RARB: variants seen among roughly 807,000 people sequenced by gnomAD.
RARB encodes HBV-activated protein.
A neutral mutation model predicts 51.9 loss-of-function variants in RARB; 17 were observed. The observed-to-expected ratio is 0.33, with a 90% confidence interval of 0.22 to 0.49. The LOEUF is 0.49. Ranked by LOEUF, RARB falls within the 20% of genes least tolerant of loss-of-function variation. RARB has a pLI of 0.99. For missense variants in RARB, 369 were observed against 550.8 expected, an observed-to-expected ratio of 0.67 and a Z score of 3.30; for synonymous variants, 215 against 195.4, an observed-to-expected ratio of 1.10 and a Z score of -0.84.
At position 24,979,863 on chromosome 3, in the gene RARB, T is replaced by C. The variant is rs1696604950; in HGVS notation, c.-379-80262T>C. ...CCCGTTAATTGATGCAGTTTCTTCA[T>C]AGCATCAATGGTCTTTACAATTTGG... On this transcript the variant is annotated intron_variant, in intron 2 of 11. Coordinates refer to the RARB transcript ENST00000383772. Among the ~76,000 whole-genome samples the C allele has an allele frequency of 2.6e-5, 4 of 152,362 alleles. No homozygotes were observed. In the Middle Eastern group the frequency reaches 0.014, roughly 518 times the overall value.
At chr3:25,069,014 A>G (rs1159595127) in intron 3 of RARB, among the ~76,000 whole-genome samples, 2 of 125,150 alleles carry the variant, frequency 1.6e-5, no homozygotes, top group Non-Finnish European at 3.3e-5. Context: ...TCTTCCTCTG[A>G]AAAAAAAAAA....
At chr3:25,508,715 C>T (rs1697735527) in intron 3 of RARB, among the ~76,000 whole-genome samples, 1 of 152,020 alleles carries the variant, frequency 6.6e-6, no homozygotes, top group Non-Finnish European at 1.5e-5. Flanking sequence ...CCATTAACCC[C>T]CACCTTCTCT....
chr3:25,003,895 C>T (rs930853748), intron 2 of RARB, among the ~76,000 whole-genome samples: 2 of 152,144 alleles, frequency 1.3e-5, no homozygotes, highest in Non-Finnish European at 2.9e-5. Flanking sequence ...TTGACAGCAG[C>T]ACTGAGCTTT....
intron 5 of RARB, among the ~76,000 whole-genome samples, chr3:25,394,795 T>C (rs370099682): frequency 5.9e-5 from 9 of 152,254 alleles, no homozygotes; most frequent in African/African-American, 2.2e-4. Context: ...TGAGTCTTTA[T>C]GTGTTAGGTG....
At chr3:24,925,736 A>G (rs777445269) in intron 2 of RARB, among the ~76,000 whole-genome samples, 8 of 151,026 alleles carry the variant, frequency 5.3e-5, no homozygotes, top group Non-Finnish European at 1.0e-4. Context: ...AGCTATTAAT[A>G]GAGATATCTT....
chr3:25,470,165 C>T (rs572589854), intron 2 of RARB, among the ~76,000 whole-genome samples: 6 of 152,198 alleles, frequency 3.9e-5, no homozygotes, highest in South Asian at 2.1e-4. Context: ...GCTCCTGGAA[C>T]TTCTAAGTAA....
chr3:25,051,183 C>T (rs1698325386), intron 2 of RARB, among the ~76,000 whole-genome samples: 1 of 152,096 alleles, frequency 6.6e-6, no homozygotes, highest in East Asian at 1.9e-4. Flanking sequence ...AGAGGAAAAG[C>T]AGGTGTTGAG....
chr3:25,197,742 C>G (rs1575212297), intron 5 of RARB, among the ~76,000 whole-genome samples: 1 of 151,522 alleles, frequency 6.6e-6, no homozygotes, highest in Non-Finnish European at 1.5e-5. Flanking sequence ...AATGAAATAT[C>G]TCTACAATTA....
chr3:25,434,455 A>G (rs1378726643), intron 1 of RARB, among the ~76,000 whole-genome samples: 1 of 151,900 alleles, frequency 6.6e-6, no homozygotes, highest in African/African-American at 2.4e-5. Context: ...TCATCCACTC[A>G]CAAACCTCGC....
chr3:25,356,357 G>A (rs1473557510), intron 5 of RARB, among the ~76,000 whole-genome samples: 1 of 151,894 alleles, frequency 6.6e-6, no homozygotes, highest in Non-Finnish European at 1.5e-5. Context: ...CATTTTCTAA[G>A]TTTTATTTAC....
At chr3:25,345,614 G>A (rs951544925) in intron 5 of RARB, among the ~76,000 whole-genome samples, 3 of 146,214 alleles carry the variant, frequency 2.1e-5, no homozygotes, top group Admixed American at 6.9e-5. Flanking sequence ...GCAGTGAGCC[G>A]AGATCGTGCC....
chr3:25,543,772 G>A (rs1699491567), intron 3 of RARB, among the ~76,000 whole-genome samples: 1 of 152,152 alleles, frequency 6.6e-6, no homozygotes, highest in Non-Finnish European at 1.5e-5. Flanking sequence ...CCACAGGGAG[G>A]AGCAAGATTG....
intron 5 of RARB, among the ~76,000 whole-genome samples, chr3:25,292,745 G>A (rs999740730): frequency 1.3e-5 from 2 of 152,140 alleles, no homozygotes; most frequent in African/African-American, 4.8e-5. Flanking sequence ...GGCAAGTGGG[G>A]AAGAAAGAGC....
chr3:25,434,203 G>A (rs562672595), intron 1 of RARB, among the ~76,000 whole-genome samples: 2 of 152,166 alleles, frequency 1.3e-5, no homozygotes, highest in African/African-American at 4.8e-5. Context: ...CTCAGGGGAG[G>A]GAGAAAGAAG....
chr3:24,957,124 C>T (rs1443621937), intron 2 of RARB, among the ~76,000 whole-genome samples: 1 of 152,184 alleles, frequency 6.6e-6, no homozygotes, highest in East Asian at 1.9e-4. Context: ...TCACCAAGAG[C>T]TATGAGCAGA....
chr3:25,091,516 C>T lies in RARB; in HGVS notation c.-328+31340C>T, dbSNP rs2125316987. ...GCTTTATGCCTTCTACGGAATCCAC[C>T]ATCTGTTTCACATGGGGTAGATATA... On this transcript the variant is annotated intron_variant, in intron 3 of 11. Transcript: ENST00000383772. 3.3e-5 allele frequency among the ~76,000 whole-genome samples: 5 copies of T among 152,242 alleles called. No individual in the cohort carries two copies. In the South Asian group the frequency reaches 1.0e-3, roughly 32 times the overall value.
intron 2 of RARB, among the ~76,000 whole-genome samples, chr3:24,938,472 A>G (rs1355628283): frequency 6.6e-6 from 1 of 152,200 alleles, no homozygotes; most frequent in Non-Finnish European, 1.5e-5. Flanking sequence ...CTCGTTAATT[A>G]AAAAATTTAA....
intron 5 of RARB, among the ~76,000 whole-genome samples, chr3:25,343,934 A>G (rs1222665588): frequency 6.6e-6 from 1 of 152,174 alleles, no homozygotes; most frequent in African/African-American, 2.4e-5. Flanking sequence ...GAAGCAGACA[A>G]AAAGACCCAG....
intron 3 of RARB, among the ~76,000 whole-genome samples, chr3:25,094,922 G>A (rs1455797514): frequency 6.6e-6 from 1 of 151,944 alleles, no homozygotes; most frequent in Admixed American, 6.6e-5. Flanking sequence ...TTCGTTTGAT[G>A]TATTTTTCTT....
Sources: gnomAD v4.1 joint callset for allele counts (sites outside exome capture counted in the v4.1 genomes callset) on GRCh38, gnomAD v4.1.1 for gene constraint, MANE v1.5 for transcripts, NCBI Gene and HGNC (gene_info 2026-07-23, HGNC 2026-07-21) for gene names.